AKT3: variants seen among roughly 807,000 people sequenced by gnomAD.
AKT3 encodes the protein AKT serine/threonine kinase 3.
In AKT3, 15 loss-of-function variants were observed where a neutral mutation model predicts 65.3. That is an observed-to-expected ratio of 0.23 (90% CI 0.15 to 0.35). The LOEUF (loss-of-function observed/expected upper bound fraction) is 0.35. AKT3 is among the 10% of genes least tolerant of loss of function. The pLI is 1.00. For synonymous variants in AKT3, 206 were observed against 183.8 expected (o/e 1.12, Z -0.98); for missense variants, 243 against 576.5 (o/e 0.42, Z 5.92).
At chr1:243,505,914 C>CT (rs1234246166) in intron 13 of AKT3, among the ~76,000 whole-genome samples, 8 of 152,236 alleles carry the variant, frequency 5.3e-5, no homozygotes, top group Non-Finnish European at 1.2e-4. Flanking sequence ...ATGTCAACAT[C>CT]TGAGTCCTAG....
chr1:243,611,870 A>G (rs936639912), intron 8 of AKT3, among the ~76,000 whole-genome samples: 1 of 152,106 alleles, frequency 6.6e-6, no homozygotes, highest in African/African-American at 2.4e-5. Flanking sequence ...TCTTACATCA[A>G]TTCCCTGGGT....
At chr1:243,751,893 C>T (rs926022712) in intron 2 of AKT3, among the ~76,000 whole-genome samples, 1 of 152,148 alleles carries the variant, frequency 6.6e-6, no homozygotes, top group East Asian at 1.9e-4. Flanking sequence ...CTGGAGCCTA[C>T]AACTATCTAG....
intron 4 of AKT3, among the ~76,000 whole-genome samples, chr1:243,646,771 A>G (rs557879622): frequency 3.3e-5 from 5 of 152,326 alleles, no homozygotes; most frequent in South Asian, 2.1e-4. Flanking sequence ...TCCAACAGAC[A>G]TTCCAAGGAA....
At chr1:243,846,539 T>G (rs1405158282) in intron 1 of AKT3, among the ~76,000 whole-genome samples, 1 of 152,210 alleles carries the variant, frequency 6.6e-6, no homozygotes, top group Non-Finnish European at 1.5e-5. Context: ...TAATTTTATC[T>G]ACCCATTAGT....
chr1:243,665,256 T>C (rs942679660), intron 3 of AKT3, among the ~76,000 whole-genome samples: 3 of 152,190 alleles, frequency 2.0e-5, no homozygotes, highest in Admixed American at 6.5e-5. Flanking sequence ...AGATCAAATA[T>C]TATTCCTTCC....
chr1:243,771,406 T>A (rs762024133), intron 2 of AKT3, among the ~76,000 whole-genome samples: 1 of 152,186 alleles, frequency 6.6e-6, no homozygotes, highest in South Asian at 2.1e-4. Flanking sequence ...GTAAGTACTT[T>A]GTAACTCTTT....
At chr1:243,682,760 T>C (rs1365305210) in intron 3 of AKT3, among the ~76,000 whole-genome samples, 5 of 152,204 alleles carry the variant, frequency 3.3e-5, no homozygotes, top group Admixed American at 6.6e-5. Context: ...AGCCAAAGTT[T>C]CTCAGAAATA....
chr1:243,821,745 T>C (rs1693865731), intron 2 of AKT3, among the ~76,000 whole-genome samples: 2 of 152,178 alleles, frequency 1.3e-5, no homozygotes, highest in East Asian at 1.9e-4. Context: ...CCTAAATATA[T>C]ATGCATCCAA....
intron 2 of AKT3, among the ~76,000 whole-genome samples, chr1:243,744,348 G>C (rs991445608): frequency 1.3e-5 from 2 of 152,256 alleles, no homozygotes; most frequent in African/African-American, 4.8e-5. Flanking sequence ...TTAAATATAG[G>C]TGTTACATGG....
At chr1:243,781,738 T>C (rs1442924412) in intron 2 of AKT3, among the ~76,000 whole-genome samples, 1 of 152,206 alleles carries the variant, frequency 6.6e-6, no homozygotes, top group African/African-American at 2.4e-5. Context: ...CATATTTTTA[T>C]ATTCCTTAAA....
chr1:243,648,661 A>G (rs1558682540), intron 4 of AKT3, among the ~76,000 whole-genome samples: 1 of 152,174 alleles, frequency 6.6e-6, no homozygotes, highest in Non-Finnish European at 1.5e-5. Context: ...CAAATTTCTA[A>G]CTTAAATGTT....
At chr1:243,828,301 T>C (rs941783430) in intron 2 of AKT3, among the ~76,000 whole-genome samples, 3 of 152,148 alleles carry the variant, frequency 2.0e-5, no homozygotes, top group Non-Finnish European at 4.4e-5. Flanking sequence ...GTAGGCACTT[T>C]TATCATCTCC....
intron 8 of AKT3, among the ~76,000 whole-genome samples, chr1:243,587,954 C>G (rs920363855): frequency 4.6e-5 from 7 of 152,120 alleles, no homozygotes; most frequent in African/African-American, 1.7e-4. Flanking sequence ...AAAGAACTCT[C>G]ATTAGATACT....
At chr1:243,824,832 G>A (rs972887365) in intron 2 of AKT3, among the ~76,000 whole-genome samples, 2 of 152,138 alleles carry the variant, frequency 1.3e-5, no homozygotes, top group African/African-American at 4.8e-5. Flanking sequence ...CAACCATTGT[G>A]GAAGATAGTG....
At chr1:243,615,207 GATAATA>G (rs1558655325) in intron 6 of AKT3, 46 bp from the exon 7 acceptor site, 1 of 1,366,342 alleles carries the variant, frequency 7.3e-7, no homozygotes, top group Non-Finnish European at 1.0e-6. Context: ...TTTGAGCACT[GATAATA>G]ATAATTTCAC....
intron 4 of AKT3, among the ~76,000 whole-genome samples, chr1:243,662,707 A>G (rs1179315212): frequency 5.9e-5 from 9 of 151,832 alleles, no homozygotes; most frequent in Non-Finnish European, 8.8e-5. Context: ...AAAGTATAAT[A>G]ATAATAAATA....
chr1:243,512,544 G>C (rs1336171905), intron 12 of AKT3, 118 bp from the exon 13 acceptor site: 2 of 655,036 alleles, frequency 3.1e-6, no homozygotes. Context: ...ACAATGCTGA[G>C]TCGCTGGGTA....
At position 243,489,180 on chromosome 1, in the gene AKT3, G is replaced by C. The variant is rs201090097; in HGVS notation, c.*7-730C>G. The C allele has an allele frequency of 1.3e-4, 208 of 1,605,564 alleles. 1 individual carries two copies. The highest frequency in any genetic ancestry group is 1.1e-3 in the South Asian group (97 of 90,124). Reference sequence around the variant, plus strand: ...GCGGCGCAGGTGGGAGTCCTTGGGCGGGCGTCTACAGGTGGATCTTTTATG... The same window carrying C: ...GCGGCGCAGGTGGGAGTCCTTGGGCCGGCGTCTACAGGTGGATCTTTTATG... On this transcript the variant is annotated intron_variant, in intron 13 of 13. Coordinates refer to the AKT3 transcript ENST00000336199.
intron 2 of AKT3, among the ~76,000 whole-genome samples, chr1:243,702,530 TATTTG>T (rs1685533284): frequency 6.6e-6 from 1 of 152,222 alleles, no homozygotes; most frequent in Non-Finnish European, 1.5e-5. Flanking sequence ...ATATTTCAAG[TATTTG>T]ATTTGGTTGT....
Sources: allele counts gnomAD v4.1 joint callset (sites outside exome capture counted in the v4.1 genomes callset), GRCh38; gene constraint gnomAD v4.1.1; transcripts MANE v1.5; gene names NCBI Gene and HGNC (gene_info 2026-07-23, HGNC 2026-07-21).